The following MAST4 variants were observed in gnomAD, a reference collection of about 807,000 sequenced individuals.
The protein encoded by MAST4 is microtubule associated serine/threonine kinase family member 4.
MAST4 carries 89 observed loss-of-function variants against 162.7 expected under a neutral mutation model. That is an observed-to-expected ratio of 0.55 (90% CI 0.46 to 0.65). The LOEUF (loss-of-function observed/expected upper bound fraction) is 0.65, where lower values mean the gene tolerates loss of function less well. MAST4 is among the 30% of genes least tolerant of loss of function. MAST4 has a pLI of 0.00. For missense variants in MAST4, 3,153 were observed against 3,374.0 expected (o/e 0.93, Z 1.62); for synonymous variants, 1,479 against 1,361.1 (o/e 1.09, Z -1.91).
Position 67,019,564 on chromosome 5 carries a change from G to A in MAST4, c.675-34840G>A, listed in dbSNP as rs1302074643. On this transcript the variant is annotated intron_variant, in intron 4 of 28. Coordinates refer to ENST00000403625, the MANE Select transcript of MAST4 (RefSeq NM_001164664.2). Reference sequence around the variant, plus strand: ...TGTAGAAATGTTTTTTCTCCATAGGGGAACAATGAATCCATCTGCTCCACA... The same window carrying A: ...TGTAGAAATGTTTTTTCTCCATAGGAGAACAATGAATCCATCTGCTCCACA... Among the ~76,000 whole-genome samples the A allele has an allele frequency of 2.6e-5, 4 of 152,264 alleles. No individual in the cohort carries two copies. The East Asian group carries it at 7.7e-4, about 29-fold the overall frequency.
intron 4 of MAST4, chr5:67,005,230 G>T (rs1459568232): frequency 6.2e-6 from 4 of 646,538 alleles, no homozygotes; most frequent in Non-Finnish European, 8.4e-6. Flanking sequence ...AGGGGAGGGG[G>T]TACTGTTTCA....
intron 4 of MAST4, among the ~76,000 whole-genome samples, chr5:66,937,639 A>G (rs905054995): frequency 6.6e-6 from 1 of 152,048 alleles, no homozygotes; most frequent in Non-Finnish European, 1.5e-5. Flanking sequence ...ACAGGTTTTT[A>G]TGTAGTACGT....
In MAST4 at chr5:67,167,023, G is replaced by GT. The variant is rs749318621; in HGVS notation, c.7845dup (p.Ser2616Ter). ...CAGAGGCGGGGGAAAGAGAGTTTGC[G>GT]TAGCAGCCCTCACAAAAAGGCCTTG... On this transcript the variant is annotated frameshift_variant, in exon 29 of 29. Coordinates refer to ENST00000403625, the MANE Select transcript of MAST4 (RefSeq NM_001164664.2). LOFTEE classifies it high-confidence loss of function. The GT allele has an allele frequency of 2.5e-6, 4 of 1,597,626 alleles. No homozygotes were observed. In the South Asian group the frequency reaches 4.5e-5, roughly 18 times the overall value.
At chr5:66,996,109 C>T (rs1053363177) in intron 4 of MAST4, among the ~76,000 whole-genome samples, 1 of 152,002 alleles carries the variant, frequency 6.6e-6, no homozygotes, top group Non-Finnish European at 1.5e-5. Context: ...GAAATCCTGT[C>T]TCTACTAAAA....
chr5:66,601,584 G>T (rs967376988), intron 1 of MAST4, among the ~76,000 whole-genome samples: 1 of 152,156 alleles, frequency 6.6e-6, no homozygotes, highest in Non-Finnish European at 1.5e-5. Flanking sequence ...GGAGTTAGGT[G>T]GGGGAGGGCA....
At chr5:67,021,907 C>T (rs1754030626) in intron 4 of MAST4, among the ~76,000 whole-genome samples, 2 of 152,156 alleles carry the variant, frequency 1.3e-5, no homozygotes, top group African/African-American at 2.4e-5. Flanking sequence ...TTCCTTGTGT[C>T]TTAAAAAATA....
chr5:66,601,333 T>C (rs1215408814), intron 1 of MAST4, among the ~76,000 whole-genome samples: 1 of 152,236 alleles, frequency 6.6e-6, no homozygotes, highest in East Asian at 1.9e-4. Flanking sequence ...CCAAAATGTA[T>C]TGAGTCTGAC....
intron 4 of MAST4, among the ~76,000 whole-genome samples, chr5:67,004,156 A>G (rs1323182532): frequency 6.6e-6 from 1 of 151,828 alleles, no homozygotes; most frequent in African/African-American, 2.4e-5. Context: ...GGGGAGGGGG[A>G]GCGGCGGCCC....
At chr5:67,059,343 T>C (rs1759268855) in intron 5 of MAST4, among the ~76,000 whole-genome samples, 1 of 152,180 alleles carries the variant, frequency 6.6e-6, no homozygotes, top group Non-Finnish European at 1.5e-5. Context: ...TCTCTATACT[T>C]GAAGGTCAAC....
chr5:66,923,393 A>G (rs1309361115), intron 4 of MAST4, among the ~76,000 whole-genome samples: 2 of 152,216 alleles, frequency 1.3e-5, no homozygotes, highest in African/African-American at 4.8e-5. Context: ...GGTCAGCCGA[A>G]GATAATCGAG....
chr5:66,618,088 C>T (rs370395959), intron 1 of MAST4, among the ~76,000 whole-genome samples: 59 of 151,538 alleles, frequency 3.9e-4, no homozygotes, highest in African/African-American at 1.2e-3. Context: ...CCAGGTGGTT[C>T]TGTGAGTAAC....
chr5:67,111,538 A>C (rs889702671), intron 11 of MAST4, among the ~76,000 whole-genome samples: 2 of 151,678 alleles, frequency 1.3e-5, no homozygotes, highest in Non-Finnish European at 2.9e-5. Flanking sequence ...GGCTAAAAGG[A>C]AAAAAAAATC....
chr5:66,605,362 C>A (rs1165361011), intron 1 of MAST4, among the ~76,000 whole-genome samples: 1 of 152,076 alleles, frequency 6.6e-6, no homozygotes, highest in Non-Finnish European at 1.5e-5. Context: ...CCTGCAAAAC[C>A]CAAGAAAATG....
intron 3 of MAST4, among the ~76,000 whole-genome samples, chr5:66,829,285 G>A (rs572222912): frequency 2.4e-4 from 37 of 152,116 alleles, no homozygotes; most frequent in African/African-American, 8.2e-4. Context: ...ACCTCCGCTC[G>A]GCGGCATCTG....
intron 24 of MAST4, among the ~76,000 whole-genome samples, chr5:67,151,110 G>C (rs1358259693): frequency 6.6e-6 from 1 of 152,182 alleles, no homozygotes; most frequent in Non-Finnish European, 1.5e-5. Context: ...CACACACACA[G>C]ACAGTTTCAC....
intron 1 of MAST4, among the ~76,000 whole-genome samples, chr5:66,727,049 A>G (rs552498192): frequency 6.6e-6 from 1 of 152,286 alleles, no homozygotes; most frequent in East Asian, 1.9e-4. Context: ...TGGTGTGCAC[A>G]GGGAGGGGAA....
intron 4 of MAST4, chr5:66,902,751 C>G: frequency 2.2e-6 from 1 of 459,896 alleles, no homozygotes; most frequent in Non-Finnish European, 4.5e-6. Flanking sequence ...CTCCAGATCA[C>G]TTTTCCAGAG....
Position 66,907,158 on chromosome 5 carries a change from C to CGAGAGAGAGAGA in MAST4, c.674+7214_674+7225dup, listed in dbSNP as rs34963439. Among the ~76,000 whole-genome samples, 77 of 104,352 alleles carry CGAGAGAGAGAGA rather than the reference C, an allele frequency of 7.4e-4. 3 individuals carry two copies. Among genetic ancestry groups the CGAGAGAGAGAGA allele is most frequent in the South Asian group, 1.9e-3 (5 of 2,692 alleles). The allele number at this position is 104,352 out of a possible 152,430, so 68.5% of individuals were successfully genotyped here. A position where few individuals can be genotyped will look rare whatever the true frequency, so the allele number is the denominator to read the frequency against. On this transcript the variant is annotated intron_variant, in intron 4 of 28. Coordinates refer to ENST00000403625, the MANE Select transcript of MAST4 (RefSeq NM_001164664.2). ...AAAGGAAAAATAACTCTCAGCAAAG[C>CGAGAGAGAGAGA]GAGAGAGAGAGAGAGAGAGAGAGAG...
intron 13 of MAST4, among the ~76,000 whole-genome samples, chr5:67,120,477 T>G (rs1019614212): frequency 6.6e-6 from 1 of 152,204 alleles, no homozygotes; most frequent in African/African-American, 2.4e-5. Flanking sequence ...TAAAGAGCTG[T>G]CTTTTTGAAA....
Sources: allele counts gnomAD v4.1 joint callset (sites outside exome capture counted in the v4.1 genomes callset), GRCh38; gene constraint gnomAD v4.1.1; transcripts MANE v1.5; gene names NCBI Gene and HGNC (gene_info 2026-07-23, HGNC 2026-07-21).